SMIM14: variants seen among roughly 807,000 people sequenced by gnomAD.
The protein encoded by SMIM14 is small integral membrane protein 14, also known as chromosome 4 open reading frame 34.
In SMIM14, 5 loss-of-function variants were observed where a neutral mutation model predicts 12.6. The observed-to-expected ratio is 0.40, with a 90% CI of 0.21 to 0.83. SMIM14 has a LOEUF of 0.83. SMIM14 is among the 40% of genes least tolerant of loss of function. The pLI, the probability that SMIM14 is intolerant of heterozygous loss-of-function variation, is 0.37. For synonymous variants in SMIM14, 30 were observed against 40.1 expected, an observed-to-expected ratio of 0.75 and a Z score of 0.95; for missense variants, 86 against 119.1, an observed-to-expected ratio of 0.72 and a Z score of 1.29.
At chr4:39,578,464 T>C (rs1019532960) in intron 2 of SMIM14, among the ~76,000 whole-genome samples, 1 of 152,170 alleles carries the variant, frequency 6.6e-6, no homozygotes, top group African/African-American at 2.4e-5. Flanking sequence ...AAAACAACAA[T>C]TAGAGAAAAA....
At chr4:39,628,506 C>G (rs1218695903) in intron 1 of SMIM14, among the ~76,000 whole-genome samples, 5 of 151,434 alleles carry the variant, frequency 3.3e-5, no homozygotes, top group African/African-American at 9.7e-5. Context: ...AACCCCGTCT[C>G]TACTAAAAAT....
At chr4:39,578,703 A>G (rs1713330716) in intron 2 of SMIM14, among the ~76,000 whole-genome samples, 1 of 152,162 alleles carries the variant, frequency 6.6e-6, no homozygotes. Context: ...ACTTCAAAAT[A>G]GCAGAGAATG....
intron 1 of SMIM14, among the ~76,000 whole-genome samples, chr4:39,618,404 A>G (rs948906011): frequency 9.9e-5 from 15 of 152,038 alleles, no homozygotes; most frequent in Admixed American, 7.9e-4. Flanking sequence ...GCCCCAGAGT[A>G]TTGGGAGGCC....
chr4:39,574,721 C>T (rs1034076115), intron 2 of SMIM14, among the ~76,000 whole-genome samples: 4 of 152,188 alleles, frequency 2.6e-5, no homozygotes, highest in African/African-American at 9.6e-5. Flanking sequence ...GCTTTTATTA[C>T]TGTGCCATAC....
At chr4:39,553,125 A>G (rs1164466354) in intron 4 of SMIM14, among the ~76,000 whole-genome samples, 1 of 148,796 alleles carries the variant, frequency 6.7e-6, no homozygotes, top group Non-Finnish European at 1.5e-5. Context: ...CAGTGGTGAG[A>G]TCTCGGCTCA....
At position 39,554,855 on chromosome 4, in the gene SMIM14, G is replaced by C. The variant is rs560842972; in HGVS notation, c.267+1573C>G. On this transcript the variant is annotated intron_variant, in intron 4 of 4. Transcript: ENST00000295958. ...ATTTTTTTTTTTTTTTTTTTTTTGA[G>C]ACGAAGTTTCACTCTCACCGCCTAG... Among the ~76,000 whole-genome samples, 7 of 120,846 alleles carry C rather than the reference G, an allele frequency of 5.8e-5. No individual in the cohort carries two copies. In the East Asian group the frequency reaches 1.8e-3, roughly 31 times the overall value. 79.3% of individuals were successfully genotyped at this position (120,846 alleles called of 152,430 possible).
chr4:39,626,775 A>G (rs1715717973), intron 1 of SMIM14, among the ~76,000 whole-genome samples: 1 of 152,126 alleles, frequency 6.6e-6, no homozygotes, highest in Admixed American at 6.5e-5. Flanking sequence ...CTTCTATTCC[A>G]TCACTACTAG....
At chr4:39,626,364 G>A in intron 1 of SMIM14, among the ~76,000 whole-genome samples, 1 of 152,076 alleles carries the variant, frequency 6.6e-6, no homozygotes, top group East Asian at 1.9e-4. Flanking sequence ...TTACAACTTT[G>A]GAGATACAGC....
intron 1 of SMIM14, among the ~76,000 whole-genome samples, chr4:39,635,968 T>G (rs993850642): frequency 2.0e-5 from 3 of 151,348 alleles, no homozygotes; most frequent in African/African-American, 4.9e-5. Flanking sequence ...AGGTCAGGAG[T>G]TTGACACCAG....
chr4:39,626,528 T>C (rs938083255), intron 1 of SMIM14, among the ~76,000 whole-genome samples: 1 of 152,206 alleles, frequency 6.6e-6, no homozygotes, highest in Non-Finnish European at 1.5e-5. Context: ...AAAGGATGTA[T>C]CTAACAAATT....
chr4:39,633,218 C>T (rs1447094059), intron 1 of SMIM14, among the ~76,000 whole-genome samples: 1 of 151,286 alleles, frequency 6.6e-6, no homozygotes, highest in Non-Finnish European at 1.5e-5. Flanking sequence ...TGCTTGAACC[C>T]GGGAGGCAGA....
chr4:39,556,190 T>C (rs1216872268), intron 4 of SMIM14, among the ~76,000 whole-genome samples: 1 of 151,894 alleles, frequency 6.6e-6, no homozygotes, highest in Non-Finnish European at 1.5e-5. Context: ...TTGGAATTCA[T>C]TTTCAAATTA....
intron 3 of SMIM14, among the ~76,000 whole-genome samples, chr4:39,560,154 C>T (rs181521911): frequency 3.9e-5 from 6 of 152,010 alleles, no homozygotes; most frequent in African/African-American, 1.4e-4. Flanking sequence ...CAAACACTTT[C>T]TTCCATTGTC....
intron 1 of SMIM14, among the ~76,000 whole-genome samples, chr4:39,619,870 ATATATATT>A (rs1560307373): frequency 3.0e-4 from 25 of 84,426 alleles, no homozygotes; most frequent in African/African-American, 1.0e-3. Context: ...TTATATATAT[ATATATATT>A]TTTTTTTTTT....
intron 3 of SMIM14, among the ~76,000 whole-genome samples, chr4:39,563,004 C>T (rs1169903848): frequency 1.3e-5 from 2 of 151,998 alleles, no homozygotes; most frequent in Non-Finnish European, 1.5e-5. Context: ...TCTAATCTTA[C>T]CTCTTACCAC....
intron 1 of SMIM14, among the ~76,000 whole-genome samples, chr4:39,630,279 T>G (rs1463436915): frequency 6.6e-6 from 1 of 152,106 alleles, no homozygotes; most frequent in Non-Finnish European, 1.5e-5. Context: ...TGCCTTCTTA[T>G]GTAGTAGTCC....
At chr4:39,573,900 AT>A in intron 2 of SMIM14, among the ~76,000 whole-genome samples, 1 of 152,174 alleles carries the variant, frequency 6.6e-6, no homozygotes, top group Non-Finnish European at 1.5e-5. Context: ...GAATCATGTG[AT>A]TATCAATTTT....
intron 2 of SMIM14, among the ~76,000 whole-genome samples, chr4:39,601,574 G>T (rs1005385384): frequency 6.6e-6 from 1 of 152,160 alleles, no homozygotes; most frequent in African/African-American, 2.4e-5. Context: ...AATACAGGCT[G>T]GGAGTTAACT....
chr4:39,562,449 G>C (rs1712358179), intron 3 of SMIM14, among the ~76,000 whole-genome samples: 1 of 152,078 alleles, frequency 6.6e-6, no homozygotes, highest in Non-Finnish European at 1.5e-5. Context: ...GCTGATCAAT[G>C]TGGTAACTCA....
Sources: allele counts gnomAD v4.1 joint callset (sites outside exome capture counted in the v4.1 genomes callset), GRCh38; gene constraint gnomAD v4.1.1; transcripts MANE v1.5; gene names NCBI Gene and HGNC (gene_info 2026-07-23, HGNC 2026-07-21).